Variants in PATJ observed in about 807,000 individuals in gnomAD.
PATJ encodes the protein inaD-like protein.
A neutral mutation model predicts 224.9 loss-of-function variants in PATJ; 190 were observed. The ratio of observed to expected loss-of-function variants is 0.84; its 90% CI spans 0.75 to 0.95. PATJ has a LOEUF of 0.95. PATJ is among the 40% of genes least tolerant of loss of function. The pLI is 0.00. For synonymous variants in PATJ, 769 were observed against 820.3 expected (o/e 0.94, Z 1.07); for missense variants, 2,121 against 2,270.3 (o/e 0.93, Z 1.34).
chr1:62,008,625 T>C (rs1432649959), intron 28 of PATJ, among the ~76,000 whole-genome samples: 1 of 152,056 alleles, frequency 6.6e-6, no homozygotes, highest in Non-Finnish European at 1.5e-5. Flanking sequence ...GGTGCGCACC[T>C]GTAGTCCCAG....
At chr1:62,070,049 G>A (rs6665231) in intron 31 of PATJ, among the ~76,000 whole-genome samples, 16,923 of 152,206 alleles carry the variant, frequency 0.11, 2,238 homozygotes, top group African/African-American at 0.31. Context: ...TCCATGTGAT[G>A]TGCAAATTGG....
Position 61,861,593 on chromosome 1 carries a change from A to G in PATJ, c.2365A>G (p.Ser789Gly). 6.7e-7 allele frequency: 1 copy of G among 1,487,104 alleles called. No homozygotes were observed. Among genetic ancestry groups the G allele is most frequent in the Non-Finnish European group, 9.1e-7 (1 of 1,104,220 alleles). The allele number at this position is 1,487,104 out of a possible 1,614,324, so 92.1% of individuals were successfully genotyped here. A position where few individuals can be genotyped will look rare whatever the true frequency, so the allele number is the denominator to read the frequency against. ...AAGTTGTTATATTTTACATTCAAGCAGTAATGAAGACAAGACTGAATTTTC... is the reference window on the plus strand; with the variant it reads ...AAGTTGTTATATTTTACATTCAAGCGGTAATGAAGACAAGACTGAATTTTC... ...EESCYILHSS[S>G]NEDKTEFSGT... is the part of the protein sequence containing the mutation. Residue 789 changes from serine to glycine, a missense_variant, in exon 19 of 44, where the codon AGT becomes GGT. Transcript: ENST00000642238.
chr1:61,965,121 CA>C (rs34267345), intron 27 of PATJ, among the ~76,000 whole-genome samples: 237 of 54,224 alleles, frequency 4.4e-3, no homozygotes, highest in East Asian at 0.017. Context: ...GACTCTGTCT[CA>C]AAAAAAAAAA....
chr1:62,147,961 C>CA (rs934684955), intron 41 of PATJ, among the ~76,000 whole-genome samples: 48 of 145,764 alleles, frequency 3.3e-4, no homozygotes, highest in South Asian at 6.6e-4. Context: ...GAAACTGTCT[C>CA]AAAAAAAAAA....
intron 3 of PATJ, among the ~76,000 whole-genome samples, chr1:61,765,615 TCTA>T (rs1219609344): frequency 6.6e-6 from 1 of 152,120 alleles, no homozygotes; most frequent in African/African-American, 2.4e-5. Flanking sequence ...TTACCTTTAT[TCTA>T]CTGTTTTGGC....
chr1:61,810,822 G>T (rs758507282), intron 14 of PATJ, among the ~76,000 whole-genome samples: 1 of 152,140 alleles, frequency 6.6e-6, no homozygotes, highest in African/African-American at 2.4e-5. Flanking sequence ...TAGTCAGGAG[G>T]CTGAGGCAGG....
At chr1:61,994,073 A>C (rs547445369) in intron 28 of PATJ, among the ~76,000 whole-genome samples, 17 of 152,194 alleles carry the variant, frequency 1.1e-4, no homozygotes, top group Non-Finnish European at 1.8e-4. Context: ...ACGAATAAAA[A>C]TATGTTGGAA....
intron 20 of PATJ, among the ~76,000 whole-genome samples, chr1:61,872,187 CCTCA>C (rs1666735732): frequency 1.3e-5 from 2 of 152,278 alleles, no homozygotes; most frequent in Admixed American, 6.5e-5. Flanking sequence ...CCTTCCAAAT[CCTCA>C]CTGTTTTCTG....
At chr1:62,020,977 C>T (rs972944128) in intron 29 of PATJ, among the ~76,000 whole-genome samples, 4 of 151,994 alleles carry the variant, frequency 2.6e-5, no homozygotes, top group Non-Finnish European at 5.9e-5. Context: ...AGGTGTGTAC[C>T]ACCAGGCCCG....
chr1:62,009,907 A>G (rs560260248), intron 28 of PATJ, among the ~76,000 whole-genome samples: 2 of 151,670 alleles, frequency 1.3e-5, no homozygotes, highest in Non-Finnish European at 2.9e-5. Context: ...ATATGGTGAA[A>G]CCCTATCTCT....
intron 30 of PATJ, among the ~76,000 whole-genome samples, chr1:62,047,853 C>G (rs1377587792): frequency 6.6e-6 from 1 of 152,136 alleles, no homozygotes; most frequent in Admixed American, 6.5e-5. Context: ...GATGTTCTAT[C>G]TAATACAATT....
intron 27 of PATJ, among the ~76,000 whole-genome samples, chr1:61,934,519 C>T: frequency 6.6e-6 from 1 of 152,168 alleles, no homozygotes; most frequent in South Asian, 2.1e-4. Context: ...TCTTTGAATG[C>T]ATTCTCATTG....
chr1:61,749,602 C>T (rs1645211285), intron 1 of PATJ, among the ~76,000 whole-genome samples: 1 of 151,908 alleles, frequency 6.6e-6, no homozygotes, highest in African/African-American at 2.4e-5. Context: ...TTCCTACCAT[C>T]GAATGTTACT....
intron 9 of PATJ, among the ~76,000 whole-genome samples, chr1:61,792,307 C>T (rs1027440297): frequency 6.6e-6 from 1 of 152,018 alleles, no homozygotes; most frequent in African/African-American, 2.4e-5. Context: ...AATTTAATGA[C>T]ATTCAAAAGA....
At chr1:61,944,160 C>T (rs1045345492) in intron 27 of PATJ, among the ~76,000 whole-genome samples, 5 of 152,196 alleles carry the variant, frequency 3.3e-5, no homozygotes, top group Admixed American at 1.3e-4. Context: ...ATCAGACCGC[C>T]TCTTCTCCTC....
chr1:62,109,755 G>A (rs2476188), intron 34 of PATJ, among the ~76,000 whole-genome samples: 91,313 of 152,030 alleles, frequency 0.6, 28,047 homozygotes, highest in South Asian at 0.65. Context: ...TTCTAAGTCC[G>A]CAAGTTATAA....
chr1:61,944,651 T>C (rs887188817), intron 27 of PATJ, among the ~76,000 whole-genome samples: 4 of 152,194 alleles, frequency 2.6e-5, no homozygotes, highest in Admixed American at 2.6e-4. Context: ...GAAAACACTC[T>C]GCAGGATATT....
rs999750594 is a variant in PATJ at position 62,001,346 on chromosome 1, C to T, written c.3867+10982C>T. On this transcript the variant is annotated intron_variant, in intron 28 of 43. Coordinates refer to ENST00000642238, the MANE Select transcript of PATJ (RefSeq NM_001350145.3). ...AGGTCTAACGTTTAAGTCTTTAATCCATCTTGAATTAATTTTTGTATAAGG... is the reference window on the plus strand; with the variant it reads ...AGGTCTAACGTTTAAGTCTTTAATCTATCTTGAATTAATTTTTGTATAAGG... Among the ~76,000 whole-genome samples the T allele has an allele frequency of 1.1e-3, 168 of 148,752 alleles. 3 individuals are homozygous for T. The highest frequency in any genetic ancestry group is 3.4e-3 in the Middle Eastern group (1 of 292).
chr1:61,882,686 A>G (rs1367420451), intron 21 of PATJ, among the ~76,000 whole-genome samples: 1 of 152,138 alleles, frequency 6.6e-6, no homozygotes, highest in Non-Finnish European at 1.5e-5. Flanking sequence ...CACCGACTCT[A>G]GTGATCCTCC....
Sources: gnomAD v4.1 joint callset for allele counts (sites outside exome capture counted in the v4.1 genomes callset) on GRCh38, gnomAD v4.1.1 for gene constraint, MANE v1.5 for transcripts, NCBI Gene and HGNC (gene_info 2026-07-23, HGNC 2026-07-21) for gene names.